The following ETS1 variants were observed in gnomAD, a reference collection of about 807,000 sequenced individuals.
ETS1 encodes the protein ETS proto-oncogene 1, transcription factor.
A neutral mutation model predicts 58.6 loss-of-function variants in ETS1; 15 were observed. The observed-to-expected ratio is 0.26, with a 90% CI of 0.17 to 0.39. The LOEUF (loss-of-function observed/expected upper bound fraction) is 0.39. ETS1 is among the 10% of genes least tolerant of loss of function. ETS1 has a pLI of 1.00. For missense variants in ETS1, 417 were observed against 610.5 expected (o/e 0.68, Z 3.34); for synonymous variants, 214 against 218.2 (o/e 0.98, Z 0.17).
chr11:128,554,996 T>G (rs1321505794), intron 3 of ETS1, among the ~76,000 whole-genome samples: 1 of 152,174 alleles, frequency 6.6e-6, no homozygotes, highest in African/African-American at 2.4e-5. Context: ...ACATTTGTAT[T>G]TATGCTTAGA....
chr11:128,460,128 C>T lies in ETS1; in HGVS notation c.*2233G>A, dbSNP rs959284909. On this transcript the variant is annotated 3_prime_UTR_variant, in exon 10 of 10. Transcript: ENST00000392668. ...CACACACACACACAACATTCACACA[C>T]ATGCACACATTCACACACACACCTT... 4 of 152,610 alleles carry T rather than the reference C, an allele frequency of 2.6e-5. No individual in the cohort carries two copies. Among genetic ancestry groups the T allele is most frequent in the African/African-American group, 9.7e-5 (4 of 41,372 alleles). The allele number at this position is 152,610 out of a possible 1,614,324, so 9.5% of individuals were successfully genotyped here.
intron 8 of ETS1, among the ~76,000 whole-genome samples, chr11:128,479,694 T>G (rs1173792093): frequency 6.6e-6 from 1 of 152,138 alleles, no homozygotes; most frequent in Admixed American, 6.5e-5. Context: ...GGACAGGGCG[T>G]AGTGCCACTG....
chr11:128,524,255 C>A (rs572570093), intron 3 of ETS1, among the ~76,000 whole-genome samples: 79 of 152,190 alleles, frequency 5.2e-4, no homozygotes, highest in Admixed American at 8.5e-4. Flanking sequence ...GAAAATTATT[C>A]TTTCTAATTC....
chr11:128,527,601 T>C (rs746987652), intron 3 of ETS1, among the ~76,000 whole-genome samples: 1 of 152,226 alleles, frequency 6.6e-6, no homozygotes, highest in East Asian at 1.9e-4. Flanking sequence ...AATTGGACTC[T>C]TGAGGAGGTA....
At chr11:128,560,105 T>C (rs1197432928) in intron 2 of ETS1, among the ~76,000 whole-genome samples, 1 of 152,082 alleles carries the variant, frequency 6.6e-6, no homozygotes, top group Non-Finnish European at 1.5e-5. Flanking sequence ...GCATCAGAGA[T>C]GGTCTCCTTT....
intron 2 of ETS1, among the ~76,000 whole-genome samples, chr11:128,565,600 T>C (rs1306002942): frequency 1.3e-5 from 2 of 152,206 alleles, no homozygotes; most frequent in Non-Finnish European, 2.9e-5. Context: ...TTGTGATGAT[T>C]GAACCTAGTA....
rs536972248 is a variant in ETS1 at position 128,543,919 on chromosome 11, G to A, written c.214+12372C>T. Reference sequence around the variant, plus strand: ...AATCTCATTGTGTTCTTAGTCTTCAGTGGATCTAAAAAACAGCTGTTGACT... The same window carrying A: ...AATCTCATTGTGTTCTTAGTCTTCAATGGATCTAAAAAACAGCTGTTGACT... On this transcript the variant is annotated intron_variant, in intron 3 of 9. Coordinates refer to ENST00000392668, the MANE Select transcript of ETS1 (RefSeq NM_001143820.2). Among the ~76,000 whole-genome samples the A allele has an allele frequency of 2.0e-5, 3 of 152,208 alleles. No homozygotes were observed. In the East Asian group the frequency reaches 5.8e-4, roughly 29 times the overall value.
chr11:128,473,062 A>G (rs61909068), intron 8 of ETS1, among the ~76,000 whole-genome samples: 17,632 of 152,216 alleles, frequency 0.12, 1,279 homozygotes, highest in Non-Finnish European at 0.16. Context: ...TCCCTCATTT[A>G]TACAATGGGC....
intron 3 of ETS1, among the ~76,000 whole-genome samples, chr11:128,495,562 T>C (rs1862916612): frequency 6.6e-6 from 1 of 152,206 alleles, no homozygotes; most frequent in Non-Finnish European, 1.5e-5. Context: ...CTCAACCTAA[T>C]GGGTAACTTT....
rs58228263 is a variant in ETS1, at chr11:128,464,355, G to GACACACACACACAC, written c.1124-742_1124-729dup. ...CATAGGTTCAGTATATTCTAAATTAGACACACACACACACACACACACACA... is the reference window on the plus strand; with the variant it reads ...CATAGGTTCAGTATATTCTAAATTAGACACACACACACACACACACACACACACACACACACACA... On this transcript the variant is annotated intron_variant, in intron 8 of 9. Coordinates refer to ENST00000392668, the MANE Select transcript of ETS1 (RefSeq NM_001143820.2). This position sits in a 1 kb window ranked among gnomAD's most constrained non-coding sequence, Gnocchi z 4.1. 4.8e-5 allele frequency among the ~76,000 whole-genome samples: 7 copies of GACACACACACACAC among 144,920 alleles called. No individual in the cohort carries two copies. Among genetic ancestry groups the GACACACACACACAC allele is most frequent in the African/African-American group, 1.5e-4 (6 of 39,250 alleles).
chr11:128,480,254 C>A lies in ETS1; in HGVS notation c.1060G>T (p.Asp354Tyr). ...PKGTFKDYVRDRADLNKDKPV... is the reference protein window; with the variant it reads ...PKGTFKDYVRYRADLNKDKPV... The stretch of plus-strand genomic sequence containing the variant: ...TTGTCCTTATTGAGGTCAGCACGGT[C>A]CCGCACATAGTCCTTGAAGGTGCCC... The change falls in exon 8 of 10, where the codon GAC becomes TAC. Residue 354 changes from aspartate to tyrosine, a missense_variant. Physicochemically the swap from Asp to Tyr is radical, Grantham distance 160 (BLOSUM62 -3). Coordinates refer to ENST00000392668, the MANE Select transcript of ETS1 (RefSeq NM_001143820.2). 4.3e-6 allele frequency: 7 copies of A among 1,614,074 alleles called. No homozygotes were observed. The highest frequency in any genetic ancestry group is 1.1e-5 in the South Asian group (1 of 91,072).
At chr11:128,465,243 A>G (rs1158064172) in intron 8 of ETS1, among the ~76,000 whole-genome samples, 1 of 152,220 alleles carries the variant, frequency 6.6e-6, no homozygotes, top group Non-Finnish European at 1.5e-5. Flanking sequence ...TAGCTCTTTA[A>G]AACTATCTTG....
At chr11:128,522,441 G>T (rs953585374) in intron 3 of ETS1, 1 of 770,276 alleles carries the variant, frequency 1.3e-6, no homozygotes, top group Non-Finnish European at 1.6e-6. Flanking sequence ...GGGAGCGAGG[G>T]GCGGGGCGTC....
chr11:128,587,229 G>A (rs1199877952), intron 1 of ETS1, among the ~76,000 whole-genome samples: 1 of 151,224 alleles, frequency 6.6e-6, no homozygotes, highest in Non-Finnish European at 1.5e-5. Flanking sequence ...TCTAAAACGT[G>A]CATGGTTTTA....
intron 3 of ETS1, among the ~76,000 whole-genome samples, chr11:128,547,656 C>G (rs61907767): frequency 0.037 from 5,661 of 151,318 alleles, 157 homozygotes; most frequent in Non-Finnish European, 0.056. Flanking sequence ...TTTTTTTAAT[C>G]CCACCTAACA....
At chr11:128,489,241 C>A in intron 5 of ETS1, 49 bp downstream of exon 5, 1 of 1,558,998 alleles carries the variant, frequency 6.4e-7, no homozygotes. Flanking sequence ...TACCTACTCT[C>A]ACAGCAACCC....
intron 3 of ETS1, among the ~76,000 whole-genome samples, chr11:128,555,884 C>G (rs1864304269): frequency 6.6e-6 from 1 of 152,104 alleles, no homozygotes; most frequent in Non-Finnish European, 1.5e-5. Flanking sequence ...GACAGAGAGG[C>G]CAGGAACAAT....
Position 128,459,541 on chromosome 11 carries a change from G to A in ETS1, c.*2820C>T, listed in dbSNP as rs1157122503. 1 of 152,776 alleles carries A rather than the reference G, an allele frequency of 6.5e-6. No individual in the cohort carries two copies. The highest frequency in any genetic ancestry group is 1.9e-4 in the East Asian group (1 of 5,334). The allele number at this position is 152,776 out of a possible 1,614,324, so 9.5% of individuals were successfully genotyped here. On this transcript the variant is annotated 3_prime_UTR_variant, in exon 10 of 10. Transcript: ENST00000392668. ...AACCCTAAAGCCAAAACCAACAAAGGTTAAGGCATCTCTGGGAAAATAAGG... is the reference window on the plus strand; with the variant it reads ...AACCCTAAAGCCAAAACCAACAAAGATTAAGGCATCTCTGGGAAAATAAGG...
At chr11:128,489,772 G>T (rs1862745313) in intron 4 of ETS1, among the ~76,000 whole-genome samples, 1 of 152,150 alleles carries the variant, frequency 6.6e-6, no homozygotes, top group Non-Finnish European at 1.5e-5. Flanking sequence ...AGATTTCCAT[G>T]AATCTCCTCT....
Sources: gnomAD v4.1 joint callset for allele counts (sites outside exome capture counted in the v4.1 genomes callset) on GRCh38, gnomAD v4.1.1 for gene constraint, Gnocchi (gnomAD v3.1) non-coding constraint, MANE v1.5 for transcripts, NCBI Gene and HGNC (gene_info 2026-07-23, HGNC 2026-07-21) for gene names.